Variants in GNB1 observed in about 807,000 individuals in gnomAD.
The protein encoded by GNB1 is G protein subunit beta 1.
A neutral mutation model predicts 42.9 loss-of-function variants in GNB1; 2 were observed. The ratio of observed to expected loss-of-function variants is 0.05; its 90% CI spans 0.02 to 0.15. GNB1 has a LOEUF of 0.15. Ranked by LOEUF, GNB1 falls within the 10% of genes least tolerant of loss-of-function variation. GNB1 has a pLI of 1.00. For synonymous variants in GNB1, 183 were observed against 174.7 expected, an observed-to-expected ratio of 1.05 and a Z score of -0.38; for missense variants, 193 against 462.2, an observed-to-expected ratio of 0.42 and a Z score of 5.34.
chr1:1,809,221 TCTCA>T (rs1395354284), intron 5 of GNB1, among the ~76,000 whole-genome samples: 3 of 139,826 alleles, frequency 2.1e-5, no homozygotes, highest in Non-Finnish European at 4.6e-5. Context: ...TGAGAGAGAG[TCTCA>T]CTCTGTCACC....
chr1:1,818,689 C>T (rs921668185), intron 3 of GNB1, among the ~76,000 whole-genome samples: 13 of 151,916 alleles, frequency 8.6e-5, no homozygotes, highest in African/African-American at 3.1e-4. Flanking sequence ...ATGGTGAAAC[C>T]CCATCTCTAC....
Position 1,848,357 on chromosome 1 carries a change from C to CAAAA in GNB1, c.-95-9123_-95-9120dup, listed in dbSNP as rs56979938. Among the ~76,000 whole-genome samples, 780 of 94,276 alleles carry CAAAA rather than the reference C, an allele frequency of 8.3e-3. 8 individuals are homozygous for CAAAA. The highest frequency in any genetic ancestry group is 0.035 in the African/African-American group (753 of 21,224). 61.8% of individuals were successfully genotyped at this position (94,276 alleles called of 152,430 possible). A position where few individuals can be genotyped will look rare whatever the true frequency, so the allele number is the denominator to read the frequency against. On this transcript the variant is annotated intron_variant, in intron 1 of 11. Coordinates refer to ENST00000378609, the MANE Select transcript of GNB1 (RefSeq NM_002074.5). The stretch of plus-strand genomic sequence containing the variant: ...CTGAGCCATTGCACTCCAGCCCAGG[C>CAAAA]AAAAAAAAAAAAAAAAAGAAAAAGA...
At chr1:1,847,326 C>T (rs1029845053) in intron 1 of GNB1, among the ~76,000 whole-genome samples, 2 of 142,328 alleles carry the variant, frequency 1.4e-5, no homozygotes, top group Non-Finnish European at 3.3e-5. Flanking sequence ...CTGGTTCCAT[C>T]GATGTTCTTT....
intron 1 of GNB1, among the ~76,000 whole-genome samples, chr1:1,860,878 C>T (rs888770610): frequency 1.3e-5 from 2 of 151,896 alleles, no homozygotes; most frequent in African/African-American, 2.4e-5. Flanking sequence ...GAGGCCGAGC[C>T]GGACAGATCG....
intron 5 of GNB1, among the ~76,000 whole-genome samples, chr1:1,812,003 T>G (rs924377399): frequency 6.6e-6 from 1 of 152,012 alleles, no homozygotes; most frequent in East Asian, 1.9e-4. Flanking sequence ...GAGGCAGAGC[T>G]TGCAGTGAGC....
intron 1 of GNB1, among the ~76,000 whole-genome samples, chr1:1,854,516 C>T (rs1449750167): frequency 6.6e-6 from 1 of 152,194 alleles, no homozygotes; most frequent in Non-Finnish European, 1.5e-5. Context: ...AAGGGGACCA[C>T]AATGAAGCAG....
At chr1:1,788,737 C>A in intron 10 of GNB1, 1 of 293,758 alleles carries the variant, frequency 3.4e-6, no homozygotes, top group East Asian at 5.7e-5. Context: ...CTGCATGGAA[C>A]TCCTCCCCCT....
intron 1 of GNB1, among the ~76,000 whole-genome samples, chr1:1,864,803 G>C (rs1648833032): frequency 6.6e-6 from 1 of 152,086 alleles, no homozygotes; most frequent in African/African-American, 2.4e-5. Context: ...CTGCATCTTA[G>C]AGTGCTCACT....
At chr1:1,862,175 T>C (rs985517197) in intron 1 of GNB1, among the ~76,000 whole-genome samples, 5 of 152,134 alleles carry the variant, frequency 3.3e-5, no homozygotes, top group African/African-American at 9.7e-5. Context: ...TGAGCCAAGA[T>C]TGCGCCACTG....
intron 1 of GNB1, among the ~76,000 whole-genome samples, chr1:1,874,605 T>TA (rs34864042): frequency 0.4 from 18,739 of 47,030 alleles, 5,735 homozygotes; most frequent in Non-Finnish European, 0.51. Context: ...AGACTCCATC[T>TA]AAAAAAAAAA....
At chr1:1,857,450 GTC>G (rs1648367728) in intron 1 of GNB1, among the ~76,000 whole-genome samples, 1 of 152,166 alleles carries the variant, frequency 6.6e-6, no homozygotes, top group African/African-American at 2.4e-5. Context: ...TGTCAGCCAT[GTC>G]TCTGTCTCCA....
At position 1,801,368 on chromosome 1, in the gene GNB1, C is replaced by T. The variant is rs552893625; in HGVS notation, c.430+3051G>A. ...CATATTTATTCACATTATAAGACCC[C>T]TAATTTCTTAAGAATGTTTAAAGTA... On this transcript the variant is annotated intron_variant, in intron 7 of 11. Transcript: ENST00000378609. Among the ~76,000 whole-genome samples the T allele has an allele frequency of 6.6e-5, 10 of 152,228 alleles. No homozygotes were observed. The South Asian group carries it at 1.7e-3, about 25-fold the overall frequency.
At chr1:1,873,058 T>C (rs578253617) in intron 1 of GNB1, among the ~76,000 whole-genome samples, 1 of 150,850 alleles carries the variant, frequency 6.6e-6, no homozygotes, top group Non-Finnish European at 1.5e-5. Context: ...TAAGCCTTGT[T>C]TTTTTTTTTT....
At chr1:1,815,540 T>C (rs973665807) in intron 5 of GNB1, among the ~76,000 whole-genome samples, 7 of 152,208 alleles carry the variant, frequency 4.6e-5, no homozygotes, top group Non-Finnish European at 4.4e-5. Flanking sequence ...ATTCAGACAG[T>C]GAAGAAATGG....
At chr1:1,815,308 A>G (rs1337473961) in intron 5 of GNB1, among the ~76,000 whole-genome samples, 1 of 152,072 alleles carries the variant, frequency 6.6e-6, no homozygotes, top group Non-Finnish European at 1.5e-5. Flanking sequence ...GGCTCAATAC[A>G]CTTAATCCCT....
chr1:1,796,481 G>C (rs577223129), intron 7 of GNB1, among the ~76,000 whole-genome samples: 2 of 152,206 alleles, frequency 1.3e-5, no homozygotes, highest in Admixed American at 1.3e-4. Flanking sequence ...CATGTAACTG[G>C]GGAACTGATG....
chr1:1,820,356 TAAAAAAAAAAA>T (rs35466451), intron 3 of GNB1, among the ~76,000 whole-genome samples: 13 of 101,872 alleles, frequency 1.3e-4, no homozygotes, highest in Non-Finnish European at 2.4e-4. Context: ...AGACTCTGTT[TAAAAAAAAAAA>T]AAAAAAAAAA....
intron 1 of GNB1, among the ~76,000 whole-genome samples, chr1:1,871,006 C>T (rs911375496): frequency 4.6e-5 from 7 of 152,166 alleles, no homozygotes; most frequent in African/African-American, 1.7e-4. Flanking sequence ...TGAGCTCCTT[C>T]TCTGAGCCCT....
intron 1 of GNB1, 41 bp from the exon 2 acceptor site, chr1:1,839,279 G>C (rs886463600): frequency 1.3e-5 from 2 of 152,162 alleles, no homozygotes; most frequent in African/African-American, 4.8e-5. Context: ...TTGCACTCAG[G>C]TTGTGAATAA....
Sources: gnomAD v4.1 joint callset for allele counts (sites outside exome capture counted in the v4.1 genomes callset) on GRCh38, gnomAD v4.1.1 for gene constraint, MANE v1.5 for transcripts, NCBI Gene and HGNC (gene_info 2026-07-23, HGNC 2026-07-21) for gene names.